The following CSNK1G3 variants were observed in gnomAD, a reference collection of about 807,000 sequenced individuals.
The protein encoded by CSNK1G3 is casein kinase I isoform gamma-3.
CSNK1G3 carries 23 observed loss-of-function variants against 64.3 expected under a neutral mutation model. That is an observed-to-expected ratio of 0.36 (90% CI 0.26 to 0.51). CSNK1G3 has a LOEUF of 0.51. Among genes scored for constraint, CSNK1G3 ranks in the 20% least tolerant of loss-of-function variants. The pLI is 0.96. For missense variants in CSNK1G3, 357 were observed against 510.5 expected, an observed-to-expected ratio of 0.70 and a Z score of 2.90; for synonymous variants, 158 against 162.2, an observed-to-expected ratio of 0.97 and a Z score of 0.20.
At chr5:123,531,884 G>T (rs560211367) in intron 1 of CSNK1G3, among the ~76,000 whole-genome samples, 1 of 151,830 alleles carries the variant, frequency 6.6e-6, no homozygotes, top group African/African-American at 2.4e-5. Flanking sequence ...GTAAGCAGGG[G>T]GTATTTCTGT....
intron 1 of CSNK1G3, among the ~76,000 whole-genome samples, chr5:123,517,015 C>T (rs1250039623): frequency 1.3e-5 from 2 of 152,116 alleles, no homozygotes; most frequent in South Asian, 4.2e-4. Flanking sequence ...TATGAAGTGC[C>T]AAGGACTATG....
intron 10 of CSNK1G3, among the ~76,000 whole-genome samples, chr5:123,599,388 T>C (rs987590277): frequency 6.6e-6 from 1 of 152,170 alleles, no homozygotes; most frequent in Middle Eastern, 3.2e-3. Context: ...CCAGGCATTG[T>C]TGAGGAAAAC....
At chr5:123,556,506 G>C (rs1016143958) in intron 3 of CSNK1G3, among the ~76,000 whole-genome samples, 5 of 151,778 alleles carry the variant, frequency 3.3e-5, no homozygotes, top group Non-Finnish European at 7.4e-5. Flanking sequence ...ATTCTATATA[G>C]TTTTTCTGTC....
chr5:123,572,397 A>G (rs1253463165), intron 4 of CSNK1G3, among the ~76,000 whole-genome samples: 2 of 152,152 alleles, frequency 1.3e-5, no homozygotes, highest in Non-Finnish European at 1.5e-5. Flanking sequence ...TCATATTTGG[A>G]GTTTGTATTA....
chr5:123,573,604 T>TA, intron 5 of CSNK1G3, 63 bp downstream of exon 5: 1 of 1,419,764 alleles, frequency 7.0e-7, no homozygotes, highest in Non-Finnish European at 9.6e-7. Flanking sequence ...CACAAATTCA[T>TA]ATTAAAAGTT....
chr5:123,545,624 C>T (rs1782395924), exon 2 of CSNK1G3: 1 of 1,567,714 alleles, frequency 6.4e-7, no homozygotes, highest in Admixed American at 1.7e-5. Context: ...GTGTGCTTGT[C>T]TTGATTAAAG....
intron 1 of CSNK1G3, among the ~76,000 whole-genome samples, chr5:123,543,011 A>G (rs549420275): frequency 6.6e-6 from 1 of 151,798 alleles, no homozygotes; most frequent in East Asian, 1.9e-4. Flanking sequence ...TTCTAATTCA[A>G]ACATCAGGGT....
At chr5:123,548,011 G>GA (rs1342673208) in intron 2 of CSNK1G3, among the ~76,000 whole-genome samples, 1 of 152,092 alleles carries the variant, frequency 6.6e-6, no homozygotes, top group Non-Finnish European at 1.5e-5. Context: ...TACTGGTACT[G>GA]AAATTTTATA....
At chr5:123,563,741 C>T (rs536589661) in intron 4 of CSNK1G3, among the ~76,000 whole-genome samples, 1 of 152,072 alleles carries the variant, frequency 6.6e-6, no homozygotes, top group South Asian at 2.1e-4. Flanking sequence ...TTAGGTAAGA[C>T]ATTCAAAAAA....
chr5:123,611,975 A>C (rs889837967), intron 12 of CSNK1G3, among the ~76,000 whole-genome samples: 2 of 152,212 alleles, frequency 1.3e-5, no homozygotes, highest in African/African-American at 4.8e-5. Context: ...TAGGTAGCTG[A>C]CAGTTAAAAA....
chr5:123,590,509 G>A lies in CSNK1G3; in HGVS notation c.941G>A (p.Arg314Gln), dbSNP rs748884107. 9 of 1,541,190 alleles carry A rather than the reference G, an allele frequency of 5.8e-6. No homozygotes were observed. Among genetic ancestry groups the A allele is most frequent in the African/African-American group, 2.8e-5 (2 of 70,364 alleles). Reference sequence around the variant, plus strand: ...AAGCTTTTTACTGACTTGTTTGATCGAAAAGGATATATGTTTGATTATGAA... The same window carrying A: ...AAGCTTTTTACTGACTTGTTTGATCAAAAAGGATATATGTTTGATTATGAA... The change falls in exon 9 of 13, where the codon CGA becomes CAA. Residue 314 changes from arginine to glutamine, a missense_variant. By Grantham distance (43) the Arg-to-Gln change is conservative. Coordinates refer to ENST00000345990, the Ensembl canonical transcript of CSNK1G3.
chr5:123,607,345 G>A (rs1435065087), intron 12 of CSNK1G3, among the ~76,000 whole-genome samples: 1 of 152,054 alleles, frequency 6.6e-6, no homozygotes, highest in Non-Finnish European at 1.5e-5. Context: ...TTGAAAACAG[G>A]TATTTTTTCA....
chr5:123,547,629 T>C (rs529681307), intron 2 of CSNK1G3, among the ~76,000 whole-genome samples: 1 of 152,134 alleles, frequency 6.6e-6, no homozygotes, highest in African/African-American at 2.4e-5. Flanking sequence ...GTATCGTGGC[T>C]TCTTAGTACA....
intron 1 of CSNK1G3, among the ~76,000 whole-genome samples, chr5:123,539,848 T>G (rs1350621975): frequency 6.6e-6 from 1 of 152,192 alleles, no homozygotes; most frequent in Non-Finnish European, 1.5e-5. Context: ...TTTTGATATT[T>G]TGTTTTACCT....
chr5:123,522,003 C>CT (rs1778193864), intron 1 of CSNK1G3, among the ~76,000 whole-genome samples: 1 of 152,096 alleles, frequency 6.6e-6, no homozygotes, highest in Non-Finnish European at 1.5e-5. Context: ...TTGAAAATAA[C>CT]TAATTTCTCC....
intron 1 of CSNK1G3, among the ~76,000 whole-genome samples, chr5:123,541,618 G>A (rs1243164109): frequency 6.6e-6 from 1 of 151,964 alleles, no homozygotes; most frequent in East Asian, 1.9e-4. Flanking sequence ...TTTTATTAGA[G>A]GCAGGCTCTC....
At chr5:123,585,023 GTTTTCATTA>G (rs1791047449) in intron 6 of CSNK1G3, among the ~76,000 whole-genome samples, 1 of 151,776 alleles carries the variant, frequency 6.6e-6, no homozygotes, top group African/African-American at 2.4e-5. Flanking sequence ...GTTTTCATTG[GTTTTCATTA>G]CTGATTGTCC....
chr5:123,524,614 TCTC>T (rs1368885904), intron 1 of CSNK1G3, among the ~76,000 whole-genome samples: 1 of 152,154 alleles, frequency 6.6e-6, no homozygotes, highest in Non-Finnish European at 1.5e-5. Context: ...TTGTGGTTCT[TCTC>T]ATTTCTTTTC....
chr5:123,521,832 A>C (rs1469735204), intron 1 of CSNK1G3, among the ~76,000 whole-genome samples: 2 of 152,008 alleles, frequency 1.3e-5, no homozygotes, highest in African/African-American at 4.8e-5. Context: ...TCTTGGCCCG[A>C]GTTCATATTA....
Sources: allele counts gnomAD v4.1 joint callset (sites outside exome capture counted in the v4.1 genomes callset), GRCh38; gene constraint gnomAD v4.1.1; transcripts MANE v1.5; gene names NCBI Gene and HGNC (gene_info 2026-07-23, HGNC 2026-07-21).